Variants in ACAP3 observed in about 807,000 individuals in gnomAD.
ACAP3 encodes the protein arf-GAP with coiled-coil, ANK repeat and PH domain-containing protein 3.
ACAP3 carries 56 observed loss-of-function variants against 104.1 expected under a neutral mutation model. The observed-to-expected ratio is 0.54, with a 90% CI of 0.43 to 0.67. The LOEUF (loss-of-function observed/expected upper bound fraction) is 0.67. Ranked by LOEUF, ACAP3 falls within the 30% of genes least tolerant of loss-of-function variation. The pLI is 0.00. For synonymous variants in ACAP3, 628 were observed against 496.2 expected, an observed-to-expected ratio of 1.27 and a Z score of -3.53; for missense variants, 1,208 against 1,174.9, an observed-to-expected ratio of 1.03 and a Z score of -0.41.
chr1:1,303,383 C>T lies in ACAP3; in HGVS notation c.106-102G>A, dbSNP rs1641537384. On this transcript the variant is annotated intron_variant, in intron 2 of 23. Transcript: ENST00000354700. This position sits in a 1 kb window ranked among gnomAD's most constrained non-coding sequence, Gnocchi z 4.0. ...CAGGAAGAGCTCCCAGGGTAGGTTC[C>T]ACTCAGGGCGTTGGCACTCAGGACT... 2 of 1,472,762 alleles carry T rather than the reference C, an allele frequency of 1.4e-6. No homozygotes were observed. The highest frequency in any genetic ancestry group is 1.4e-5 in the African/African-American group (1 of 71,288). The allele number at this position is 1,472,762 out of a possible 1,614,324, so 91.2% of individuals were successfully genotyped here.
rs557404526 is a variant in ACAP3, at chr1:1,302,556, C to T, written c.279+366G>A. ...TCAGTCTGCGGCTCAGGTTCCCAGG[C>T]TGCAGCCCCACATCTCACGGGTGCC... On this transcript the variant is annotated intron_variant, in intron 4 of 23. Coordinates refer to ENST00000354700, the MANE Select transcript of ACAP3 (RefSeq NM_030649.3). 2.0e-5 allele frequency among the ~76,000 whole-genome samples: 3 copies of T among 152,320 alleles called. No individual in the cohort carries two copies. In the South Asian group the frequency reaches 6.2e-4, roughly 32 times the overall value.
rs1308759256 is a variant in ACAP3 at position 1,299,270 on chromosome 1, G to T, written c.750+75C>A. Reference sequence around the variant, plus strand: ...GTCCTTGGTGCTGAAGTGCCCTTGGGGTAGAGGAGGGAAAGGCACCGCCCC... The same window carrying T: ...GTCCTTGGTGCTGAAGTGCCCTTGGTGTAGAGGAGGGAAAGGCACCGCCCC... On this transcript the variant is annotated intron_variant, in intron 10 of 23. Coordinates refer to ENST00000354700, the MANE Select transcript of ACAP3 (RefSeq NM_030649.3). The T allele has an allele frequency of 7.1e-6, 11 of 1,542,896 alleles. No individual in the cohort carries two copies. The Admixed American group carries it at 1.1e-4, about 16-fold the overall frequency.
chr1:1,293,711 A>T lies in ACAP3; in HGVS notation c.2361-3T>A. On this transcript the variant is annotated splice_region_variant and splice_polypyrimidine_tract_variant and intron_variant, in intron 23 of 23. Transcript: ENST00000354700. ...CCGCCATGCGCGCCAGACGGAGCCT[A>T]CGGGGAGGCACAGCGTGAGACGCCC... 7.4e-7 allele frequency: 1 copy of T among 1,352,830 alleles called. No individual in the cohort carries two copies. Among genetic ancestry groups the T allele is most frequent in the Non-Finnish European group, 9.4e-7 (1 of 1,064,248 alleles). 83.8% of individuals were successfully genotyped at this position (1,352,830 alleles called of 1,614,324 possible). A position where few individuals can be genotyped will look rare whatever the true frequency, so the allele number is the denominator to read the frequency against.
intron 1 of ACAP3, chr1:1,305,021 G>A (rs1489686372): frequency 1.3e-5 from 2 of 152,372 alleles, no homozygotes; most frequent in Non-Finnish European, 2.9e-5. Flanking sequence ...TCTAGGGCAG[G>A]GGTCCAGGAG....
At position 1,293,724 on chromosome 1, in the gene ACAP3, G is replaced by A. The variant is rs975159142; in HGVS notation, c.2361-16C>T. 4.9e-6 allele frequency: 7 copies of A among 1,422,894 alleles called. No homozygotes were observed. In the African/African-American group the frequency reaches 6.1e-5, roughly 12 times the overall value. 88.1% of individuals were successfully genotyped at this position (1,422,894 alleles called of 1,614,324 possible). A position where few individuals can be genotyped will look rare whatever the true frequency, so the allele number is the denominator to read the frequency against. On this transcript the variant is annotated splice_polypyrimidine_tract_variant and intron_variant, in intron 23 of 23. Transcript: ENST00000354700. ...CAGACGGAGCCTACGGGGAGGCACA[G>A]CGTGAGACGCCCCTGCCCTGGAGGC... is the stretch of plus-strand genomic sequence containing the variant.
chr1:1,296,436 G>C lies in ACAP3; in HGVS notation c.1326C>G (p.Ser442=). 1 of 1,546,238 alleles carries C rather than the reference G, an allele frequency of 6.5e-7. No homozygotes were observed. The highest frequency in any genetic ancestry group is 8.7e-7 in the Non-Finnish European group (1 of 1,146,670). The change falls in exon 15 of 24, where the codon TCC becomes TCG. Residue 442 remains serine (S), a synonymous_variant. Transcript: ENST00000354700. ...CCTCAGGGGCCCACCTGTGGATGCC[G>C]GAGCACTCAATGCAGAGCAGCACGC... The part of the protein sequence containing the change: ...NLGVLLCIEC[S]GIHRSLGVHC...
Position 1,299,833 on chromosome 1 carries a change from G to A in ACAP3, c.736C>T (p.Arg246Trp), listed in dbSNP as rs1454053592. The A allele has an allele frequency of 1.4e-5, 21 of 1,546,634 alleles. No individual in the cohort carries two copies. The highest frequency in any genetic ancestry group is 2.4e-5 in the East Asian group (1 of 40,902). ...MERKHAAIQQ[R>W]TLLQDFSYDE... ...GGGAGCCGGCTGCGCGGCCTCACCC[G>A]CTGCTGGATGGCGGCGTGCTTTCGC... is the stretch of plus-strand genomic sequence containing the variant. The change falls in exon 9 of 24, where the codon CGG (arginine) becomes TGG (tryptophan). Residue 246 changes from arginine (R) to tryptophan (W), a missense_variant and splice_region_variant. Physicochemically the swap from Arg to Trp is moderately radical, Grantham distance 101. Coordinates refer to ENST00000354700, the MANE Select transcript of ACAP3 (RefSeq NM_030649.3).
Position 1,298,647 on chromosome 1 carries a change from A to G in ACAP3, c.783T>C (p.Phe261=), listed in dbSNP as rs1488173885. Residue 261 remains phenylalanine, a synonymous_variant, in exon 11 of 24, where the codon TTT becomes TTC. Transcript: ENST00000354700. ...DFSYDESKVE[F]DVDAPSGVVM... ...CCACCCCACTGGGCGCGTCCACGTC[A>G]AACTCCACTTTGGACTCATCGTAGG... The G allele has an allele frequency of 7.4e-6, 12 of 1,612,264 alleles. No individual in the cohort carries two copies. The highest frequency in any genetic ancestry group is 1.0e-5 in the Non-Finnish European group (12 of 1,179,794).
chr1:1,306,377 G>C (rs1467533150), intron 1 of ACAP3, among the ~76,000 whole-genome samples: 1 of 152,170 alleles, frequency 6.6e-6, no homozygotes, highest in Non-Finnish European at 1.5e-5. Flanking sequence ...CCAGCCCCCA[G>C]CAGGGAGGCC....
Position 1,296,193 on chromosome 1 carries a change from C to T in ACAP3, c.1407+18G>A, listed in dbSNP as rs1340540135. On this transcript the variant is annotated intron_variant, in intron 16 of 23. Transcript: ENST00000354700. ...CCCACAAACGGGGTCCCGTGGCCTC[C>T]AGGAGCCCCACACGCACCTTTAGCA... The T allele has an allele frequency of 5.7e-6, 9 of 1,588,464 alleles. No individual in the cohort carries two copies. In the African/African-American group the frequency reaches 9.4e-5, roughly 17 times the overall value.
rs1194957744 is a variant in ACAP3, at chr1:1,293,560, G to A, written c.*4C>T. 4 of 1,420,052 alleles carry A rather than the reference G, an allele frequency of 2.8e-6. No homozygotes were observed. In the African/African-American group the frequency reaches 4.6e-5, roughly 16 times the overall value. The allele number at this position is 1,420,052 out of a possible 1,614,324, so 88.0% of individuals were successfully genotyped here. On this transcript the variant is annotated 3_prime_UTR_variant, in exon 24 of 24. Coordinates refer to ENST00000354700, the MANE Select transcript of ACAP3 (RefSeq NM_030649.3). ...GGGGTGGCAGCTGCCCGGCCTGCCC[G>A]GCCCTAGCTCTCTTCCAGGTGGAGG...
At position 1,297,832 on chromosome 1, in the gene ACAP3, C is replaced by T. The variant is rs146361230; in HGVS notation, c.1118G>A (p.Cys373Tyr). 1 of 1,611,330 alleles carries T rather than the reference C, an allele frequency of 6.2e-7. No individual in the cohort carries two copies. Among genetic ancestry groups the T allele is most frequent in the Non-Finnish European group, 8.5e-7 (1 of 1,179,058 alleles). Residue 373 changes from cysteine to tyrosine, a missense_variant, in exon 14 of 24, where the codon TGC (cysteine) becomes TAC (tyrosine). Physicochemically the swap from Cys to Tyr is radical, Grantham distance 194 (BLOSUM62 -2). Coordinates refer to ENST00000354700, the MANE Select transcript of ACAP3 (RefSeq NM_030649.3). Reference sequence around the variant, plus strand: ...CACCAAGGGCCACACCTCGCTATAGCAACTGTCAGGGCTCTCGCGGTAGGC... The same window carrying T: ...CACCAAGGGCCACACCTCGCTATAGTAACTGTCAGGGCTCTCGCGGTAGGC... The part of the protein sequence containing the change: ...ASAYRESPDS[C>Y]YSERLDRTAS...
At position 1,296,099 on chromosome 1, in the gene ACAP3, T is replaced by TC; in HGVS notation, c.1417dup (p.Glu473GlyfsTer12). The TC allele has an allele frequency of 6.2e-7, 1 of 1,612,636 alleles. No homozygotes were observed. The highest frequency in any genetic ancestry group is 8.5e-7 in the Non-Finnish European group (1 of 1,179,934). ...CTGATTCACAGCGCTGTTTCCAAGC[T>TC]CACACATCAGCTAGCGGGAGACAGG... On this transcript the variant is annotated frameshift_variant, in exon 17 of 24. Transcript: ENST00000354700. LOFTEE classifies it high-confidence loss of function.
At chr1:1,305,502 C>A (rs1307122595) in intron 1 of ACAP3, 2 of 152,208 alleles carry the variant, frequency 1.3e-5, no homozygotes, top group Non-Finnish European at 2.9e-5. Context: ...GGGTTTGGGG[C>A]GCCCGTGTCC....
chr1:1,293,619 A>G lies in ACAP3; in HGVS notation c.2450T>C (p.Leu817Pro). Residue 817 changes from leucine (L) to proline (P), a missense_variant, in exon 24 of 24, where the codon CTC becomes CCC. By Grantham distance (98) the Leu-to-Pro change is moderately conservative. Transcript: ENST00000354700. ...CTCCTGGATACACCTGCGGAACTGG[A>G]GCTCCGTGGGGCTGCCCGCCAGGGC... ...PGALAGSPTE[L>P]QFRRCIQEFI... The G allele has an allele frequency of 6.7e-7, 1 of 1,493,742 alleles. No homozygotes were observed. Among genetic ancestry groups the G allele is most frequent in the Non-Finnish European group, 8.9e-7 (1 of 1,126,774 alleles). The allele number at this position is 1,493,742 out of a possible 1,614,324, so 92.5% of individuals were successfully genotyped here.
At chr1:1,294,314 G>A (rs1641009077) in intron 21 of ACAP3, 88 bp downstream of exon 21, 4 of 1,514,748 alleles carry the variant, frequency 2.6e-6, no homozygotes, top group Non-Finnish European at 3.6e-6. Flanking sequence ...TCCCCACCGC[G>A]GACAGGCGAC....
At position 1,298,667 on chromosome 1, in the gene ACAP3, C is replaced by T. The variant is rs776739652; in HGVS notation, c.763G>A (p.Asp255Asn). ...ACGTCAAACTCCACTTTGGACTCAT[C>T]GTAGGAGAAGTCCTGGGGGGATGGA... ...QRTLLQDFSYDESKVEFDVDA... is the reference protein window; with the variant it reads ...QRTLLQDFSYNESKVEFDVDA... Residue 255 changes from aspartate (D) to asparagine (N), a missense_variant, in exon 11 of 24, where the codon GAT (aspartate) becomes AAT (asparagine). Physicochemically the swap from Asp to Asn is conservative, Grantham distance 23. Transcript: ENST00000354700. 1.3e-5 allele frequency: 21 copies of T among 1,612,342 alleles called. No individual in the cohort carries two copies. Among genetic ancestry groups the T allele is most frequent in the Middle Eastern group, 1.6e-4 (1 of 6,080 alleles).
Position 1,296,245 on chromosome 1 carries a change from A to G in ACAP3, c.1373T>C (p.Leu458Pro). Residue 458 changes from leucine to proline, a missense_variant, in exon 16 of 24, where the codon CTG becomes CCG. By Grantham distance (98) the Leu-to-Pro change is moderately conservative (BLOSUM62 -3). Transcript: ENST00000354700. ...LGVHCSKVRS[L>P]TLDSWEPELL... ...CTCAGGCTCCCACGAGTCCAGCGTC[A>G]GGGACCGCACCTTGGAGCAGTGGAC... 6.4e-7 allele frequency: 1 copy of G among 1,563,542 alleles called. No homozygotes were observed. The highest frequency in any genetic ancestry group is 8.7e-7 in the Non-Finnish European group (1 of 1,153,992).
In ACAP3 at chr1:1,299,879, C is replaced by T. The variant is rs763597790; in HGVS notation, c.690G>A (p.Ala230=). 3.4e-5 allele frequency: 54 copies of T among 1,576,156 alleles called. No individual in the cohort carries two copies. The highest frequency in any genetic ancestry group is 4.3e-5 in the Non-Finnish European group (50 of 1,158,082). ...TTCGCTCCATCTCACGCTTTTCCAC[C>T]GCAGAGTCGATCACCAGCTGGTCCA... ...AELDQLVIDS[A]VEKREMERKH... is the part of the protein sequence containing the mutation. The change falls in exon 9 of 24, where the codon GCG becomes GCA. Residue 230 remains alanine (A), a synonymous_variant. Coordinates refer to ENST00000354700, the MANE Select transcript of ACAP3 (RefSeq NM_030649.3).
Sources: allele counts gnomAD v4.1 joint callset (sites outside exome capture counted in the v4.1 genomes callset), GRCh38; gene constraint gnomAD v4.1.1; non-coding constraint Gnocchi (gnomAD v3.1); transcripts MANE v1.5; gene names NCBI Gene and HGNC (gene_info 2026-07-23, HGNC 2026-07-21).